KIAA1958: variants seen among roughly 807,000 people sequenced by gnomAD.
KIAA1958 encodes KIAA1958.
KIAA1958 carries 14 observed loss-of-function variants against 47.2 expected under a neutral mutation model. That is an observed-to-expected ratio of 0.30 (90% CI 0.20 to 0.46). The LOEUF is 0.46. Ranked by LOEUF, KIAA1958 falls within the 20% of genes least tolerant of loss-of-function variation. KIAA1958 has a pLI of 1.00. For synonymous variants in KIAA1958, 354 were observed against 353.3 expected (o/e 1.00, Z -0.02); for missense variants, 803 against 909.2 (o/e 0.88, Z 1.50).
At chr9:112,622,921 A>G (rs1393597796) in intron 2 of KIAA1958, among the ~76,000 whole-genome samples, 1 of 152,218 alleles carries the variant, frequency 6.6e-6, no homozygotes, top group African/African-American at 2.4e-5. Context: ...CCCTGCTCTC[A>G]AAGAATTTAT....
chr9:112,497,802 G>T (rs564281917), intron 1 of KIAA1958, among the ~76,000 whole-genome samples: 1 of 152,108 alleles, frequency 6.6e-6, no homozygotes, highest in African/African-American at 2.4e-5. Flanking sequence ...CCTCTCCACT[G>T]CTCCCCCAAC....
intron 1 of KIAA1958, among the ~76,000 whole-genome samples, chr9:112,528,597 AC>A (rs1171701017): frequency 6.6e-6 from 1 of 152,168 alleles, no homozygotes; most frequent in African/African-American, 2.4e-5. Context: ...ATCTTGGCTC[AC>A]TGCAACCTCT....
chr9:112,576,605 T>C (rs1418300561), intron 2 of KIAA1958, among the ~76,000 whole-genome samples: 1 of 152,246 alleles, frequency 6.6e-6, no homozygotes, highest in Non-Finnish European at 1.5e-5. Context: ...TCATATATTA[T>C]GTGGTCTTTT....
intron 2 of KIAA1958, among the ~76,000 whole-genome samples, chr9:112,633,730 T>C (rs1836750679): frequency 6.6e-6 from 1 of 152,206 alleles, no homozygotes; most frequent in Non-Finnish European, 1.5e-5. Context: ...CTCTTCCGTG[T>C]CTGGCTTCTT....
At chr9:112,629,634 C>T (rs139192445) in intron 2 of KIAA1958, among the ~76,000 whole-genome samples, 32 of 152,214 alleles carry the variant, frequency 2.1e-4, no homozygotes, top group African/African-American at 7.5e-4. Flanking sequence ...TCATCTTTGT[C>T]GACTCACTGT....
intron 2 of KIAA1958, among the ~76,000 whole-genome samples, chr9:112,609,257 C>T (rs1836284388): frequency 6.6e-6 from 1 of 152,118 alleles, no homozygotes; most frequent in Non-Finnish European, 1.5e-5. Flanking sequence ...ATGATATATG[C>T]GTTTCTGAAA....
At chr9:112,647,934 A>G (rs902701458) in intron 3 of KIAA1958, among the ~76,000 whole-genome samples, 2 of 152,228 alleles carry the variant, frequency 1.3e-5, no homozygotes, top group Non-Finnish European at 2.9e-5. Context: ...AAGAAATTTC[A>G]TCGTTTATTG....
At chr9:112,549,876 A>G (rs953185944) in intron 1 of KIAA1958, among the ~76,000 whole-genome samples, 2 of 152,224 alleles carry the variant, frequency 1.3e-5, no homozygotes, top group African/African-American at 4.8e-5. Flanking sequence ...ATGGTCTCCC[A>G]CAACAAATAA....
chr9:112,541,498 A>G, intron 1 of KIAA1958, among the ~76,000 whole-genome samples: 1 of 152,198 alleles, frequency 6.6e-6, no homozygotes, highest in Non-Finnish European at 1.5e-5. Context: ...ATACCAAATC[A>G]GTATGTTAGA....
intron 2 of KIAA1958, among the ~76,000 whole-genome samples, chr9:112,582,863 T>A (rs1474299532): frequency 6.6e-6 from 1 of 152,206 alleles, no homozygotes; most frequent in African/African-American, 2.4e-5. Flanking sequence ...TGGACATGGC[T>A]GTCACTGAAG....
intron 2 of KIAA1958, among the ~76,000 whole-genome samples, chr9:112,598,892 G>A (rs976653420): frequency 1.3e-5 from 2 of 152,030 alleles, no homozygotes; most frequent in African/African-American, 4.8e-5. Context: ...TCCCAGCCTG[G>A]ATAACATAAC....
chr9:112,535,272 G>A (rs1834832902), intron 1 of KIAA1958, among the ~76,000 whole-genome samples: 1 of 152,118 alleles, frequency 6.6e-6, no homozygotes, highest in East Asian at 1.9e-4. Context: ...GGTAACCACT[G>A]TTCCACTTTC....
chr9:112,587,461 T>G (rs1835847133), intron 2 of KIAA1958, among the ~76,000 whole-genome samples: 2 of 152,182 alleles, frequency 1.3e-5, no homozygotes, highest in African/African-American at 4.8e-5. Context: ...AGAAGTATTT[T>G]TAGAGCATGG....
chr9:112,520,291 A>C (rs972660957), intron 1 of KIAA1958, among the ~76,000 whole-genome samples: 11 of 152,200 alleles, frequency 7.2e-5, no homozygotes, highest in Non-Finnish European at 1.3e-4. Context: ...GTTGTAGATA[A>C]GACAATGAAT....
At chr9:112,511,363 G>A (rs1428318082) in intron 1 of KIAA1958, among the ~76,000 whole-genome samples, 6 of 152,148 alleles carry the variant, frequency 3.9e-5, no homozygotes, top group Non-Finnish European at 8.8e-5. Context: ...ACTGGATTAG[G>A]GAGATGAGTA....
At chr9:112,593,254 C>T (rs185967325) in intron 2 of KIAA1958, among the ~76,000 whole-genome samples, 2 of 152,332 alleles carry the variant, frequency 1.3e-5, no homozygotes, top group Admixed American at 1.3e-4. Context: ...AGCTCTGCCA[C>T]GTAGTGGAAC....
chr9:112,615,663 A>C (rs1263943601), intron 2 of KIAA1958, among the ~76,000 whole-genome samples: 2 of 152,176 alleles, frequency 1.3e-5, no homozygotes, highest in African/African-American at 2.4e-5. Flanking sequence ...AGAACACCCC[A>C]TTCAGGCCCC....
chr9:112,626,502 ATTGT>A (rs1230402333), intron 2 of KIAA1958, among the ~76,000 whole-genome samples: 1 of 152,112 alleles, frequency 6.6e-6, no homozygotes, highest in Non-Finnish European at 1.5e-5. Context: ...ATGCTTTGGC[ATTGT>A]TTGTTTGTGA....
chr9:112,617,610 A>G (rs1247665363), intron 2 of KIAA1958, among the ~76,000 whole-genome samples: 3 of 152,318 alleles, frequency 2.0e-5, no homozygotes, highest in Non-Finnish European at 2.9e-5. Context: ...ACAAACCTTC[A>G]TGCACTAAAC....
Sources: gnomAD v4.1 joint callset for allele counts (sites outside exome capture counted in the v4.1 genomes callset) on GRCh38, gnomAD v4.1.1 for gene constraint, MANE v1.5 for transcripts, NCBI Gene and HGNC (gene_info 2026-07-23, HGNC 2026-07-21) for gene names.